Variants in BCAS3 observed in about 807,000 individuals in gnomAD.
BCAS3 encodes BCAS3 microtubule associated cell migration factor, also known as BCAS4/BCAS3 fusion.
A neutral mutation model predicts 116.1 loss-of-function variants in BCAS3; 53 were observed. That is an observed-to-expected ratio of 0.46 (90% confidence interval 0.37 to 0.57). The LOEUF (loss-of-function observed/expected upper bound fraction) is 0.57, where lower values mean the gene tolerates loss of function less well. BCAS3 is among the 20% of genes least tolerant of loss of function. The pLI is 0.00. For missense variants in BCAS3, 917 were observed against 1,165.4 expected (o/e 0.79, Z 3.10); for synonymous variants, 391 against 408.2 (o/e 0.96, Z 0.51).
chr17:61,163,483 C>A (rs778988831), intron 22 of BCAS3, among the ~76,000 whole-genome samples: 11 of 151,400 alleles, frequency 7.3e-5, no homozygotes, highest in African/African-American at 2.7e-4. Context: ...ATCAATTCTT[C>A]TCAACTATTA....
At chr17:61,360,713 C>T (rs1289536691) in intron 22 of BCAS3, among the ~76,000 whole-genome samples, 1 of 152,188 alleles carries the variant, frequency 6.6e-6, no homozygotes, top group Non-Finnish European at 1.5e-5. Context: ...ACTTGAGATC[C>T]TTAATTACAT....
intron 15 of BCAS3, among the ~76,000 whole-genome samples, chr17:60,997,129 A>G (rs2063895292): frequency 6.6e-6 from 1 of 152,162 alleles, no homozygotes; most frequent in African/African-American, 2.4e-5. Flanking sequence ...GTAGTTCACA[A>G]CAGGGTCTGT....
chr17:61,340,915 A>G (rs1431752672), intron 22 of BCAS3, among the ~76,000 whole-genome samples: 3 of 152,198 alleles, frequency 2.0e-5, no homozygotes, highest in Non-Finnish European at 4.4e-5. Context: ...TGAGATTAGG[A>G]TTGTGATGAG....
At position 61,313,235 on chromosome 17, in the gene BCAS3, C is replaced by A. The variant is rs139924064; in HGVS notation, c.2426-55092C>A. Among the ~76,000 whole-genome samples the A allele has an allele frequency of 1.3e-5, 2 of 152,148 alleles. No homozygotes were observed. The highest frequency in any genetic ancestry group is 2.9e-5 in the Non-Finnish European group (2 of 68,002). On this transcript the variant is annotated intron_variant, in intron 22 of 23. Coordinates refer to ENST00000407086, the MANE Select transcript of BCAS3 (RefSeq NM_017679.5). This position sits in a 1 kb window ranked among gnomAD's most constrained non-coding sequence, Gnocchi z 4.3. Reference sequence around the variant, plus strand: ...AAGAGGAAACTAAGGTTCAAAGAACCAATACTTTCTCAATGCCATATAACT... The same window carrying A: ...AAGAGGAAACTAAGGTTCAAAGAACAAATACTTTCTCAATGCCATATAACT...
In BCAS3 at chr17:61,161,523, A is replaced by G. The variant is rs2078167593; in HGVS notation, c.2425+76959A>G. Among the ~76,000 whole-genome samples the G allele has an allele frequency of 6.6e-6, 1 of 152,222 alleles. No homozygotes were observed. Among genetic ancestry groups the G allele is most frequent in the Non-Finnish European group, 1.5e-5 (1 of 68,034 alleles). On this transcript the variant is annotated intron_variant, in intron 22 of 23. Coordinates refer to ENST00000407086, the MANE Select transcript of BCAS3 (RefSeq NM_017679.5). This position sits in a 1 kb window ranked among gnomAD's most constrained non-coding sequence, Gnocchi z 4.8. ...AAAATGTGCTGTGGGTTTAAGCAAT[A>G]TTTGATTGATCATGTGATTCTATCA...
At chr17:61,043,712 C>T (rs1299644242) in intron 19 of BCAS3, among the ~76,000 whole-genome samples, 3 of 151,950 alleles carry the variant, frequency 2.0e-5, no homozygotes, top group Non-Finnish European at 2.9e-5. Flanking sequence ...TGTCTAGGAT[C>T]GGGTCCTGCC....
rs150947110 is a variant in BCAS3, at chr17:61,285,387, G to T, written c.2426-82940G>T. On this transcript the variant is annotated intron_variant, in intron 22 of 23. Coordinates refer to ENST00000407086, the MANE Select transcript of BCAS3 (RefSeq NM_017679.5). The surrounding 1 kb of genome is among the most constrained non-coding windows in gnomAD (Gnocchi z 5.4). Reference sequence around the variant, plus strand: ...CATAACTTCCAGGTCTGAATACTTTGTTTTCTGCAGATTTTCAACAGGTGT... The same window carrying T: ...CATAACTTCCAGGTCTGAATACTTTTTTTTCTGCAGATTTTCAACAGGTGT... Among the ~76,000 whole-genome samples the T allele has an allele frequency of 2.6e-5, 4 of 152,216 alleles. No individual in the cohort carries two copies. The highest frequency in any genetic ancestry group is 2.1e-4 in the South Asian group (1 of 4,822).
chr17:60,717,929 A>G (rs996872662), intron 5 of BCAS3, among the ~76,000 whole-genome samples: 3 of 152,190 alleles, frequency 2.0e-5, no homozygotes, highest in African/African-American at 7.2e-5. Context: ...CCACAGCTAG[A>G]TGGTCCCATG....
intron 11 of BCAS3, among the ~76,000 whole-genome samples, chr17:60,910,115 A>G (rs757826015): frequency 6.6e-6 from 1 of 152,230 alleles, no homozygotes; most frequent in Non-Finnish European, 1.5e-5. Context: ...AGAAATAGGT[A>G]TACAATTAGA....
chr17:61,332,132 T>C lies in BCAS3; in HGVS notation c.2426-36195T>C, dbSNP rs1181576789. On this transcript the variant is annotated intron_variant, in intron 22 of 23. Transcript: ENST00000407086. The surrounding 1 kb of genome is among the most constrained non-coding windows in gnomAD (Gnocchi z 5.4). ...AGTTGCCACCCAGCCCGCCGGGCTC[T>C]GGAGCTGGGCCACGGGCTCCTCTCT... Among the ~76,000 whole-genome samples, 2 of 152,196 alleles carry C rather than the reference T, an allele frequency of 1.3e-5. No individual in the cohort carries two copies. The highest frequency in any genetic ancestry group is 6.5e-5 in the Admixed American group (1 of 15,272).
At chr17:61,072,940 C>T (rs2071579721) in intron 19 of BCAS3, among the ~76,000 whole-genome samples, 1 of 152,092 alleles carries the variant, frequency 6.6e-6, no homozygotes, top group Admixed American at 6.6e-5. Context: ...ATCTGCTTTC[C>T]AGCCTCTACA....
intron 19 of BCAS3, among the ~76,000 whole-genome samples, chr17:61,060,159 C>T (rs927087964): frequency 1.3e-5 from 2 of 151,834 alleles, no homozygotes; most frequent in Non-Finnish European, 2.9e-5. Flanking sequence ...CAGAGTCTTG[C>T]TCTGTCGCCC....
chr17:60,945,874 A>T (rs1007969508), intron 13 of BCAS3, among the ~76,000 whole-genome samples: 3 of 151,972 alleles, frequency 2.0e-5, no homozygotes, highest in African/African-American at 7.3e-5. Flanking sequence ...TAATCCCAGC[A>T]CTTTGGGAGG....
rs553943001 is a variant in BCAS3, at chr17:61,286,823, A to C, written c.2426-81504A>C. On this transcript the variant is annotated intron_variant, in intron 22 of 23. Coordinates refer to ENST00000407086, the MANE Select transcript of BCAS3 (RefSeq NM_017679.5). This position sits in a 1 kb window ranked among gnomAD's most constrained non-coding sequence, Gnocchi z 4.8. ...CAGAGATCCTGGCCAGGGTGAGGAA[A>C]GACAGAGAATGCTTTCTAGGACCTT... Among the ~76,000 whole-genome samples the C allele has an allele frequency of 6.6e-6, 1 of 152,318 alleles. No individual in the cohort carries two copies. Among genetic ancestry groups the C allele is most frequent in the South Asian group, 2.1e-4 (1 of 4,834 alleles).
intron 13 of BCAS3, among the ~76,000 whole-genome samples, chr17:60,928,400 C>G (rs746642465): frequency 1.3e-5 from 2 of 152,060 alleles, no homozygotes; most frequent in African/African-American, 2.4e-5. Context: ...GATTGTGAAC[C>G]ATAGTCTGTA....
At chr17:60,702,404 A>G (rs930807208) in intron 4 of BCAS3, among the ~76,000 whole-genome samples, 2 of 152,134 alleles carry the variant, frequency 1.3e-5, no homozygotes, top group African/African-American at 2.4e-5. Context: ...GAATACCACG[A>G]TGGGACCCAT....
At chr17:60,797,322 C>G (rs1461683772) in intron 6 of BCAS3, among the ~76,000 whole-genome samples, 1 of 152,094 alleles carries the variant, frequency 6.6e-6, no homozygotes, top group East Asian at 1.9e-4. Flanking sequence ...CTGCAGTGAA[C>G]ATAGTTGTGC....
chr17:61,229,289 C>T lies in BCAS3; in HGVS notation c.2426-139038C>T, dbSNP rs1602042580. Among the ~76,000 whole-genome samples, 1 of 152,152 alleles carries T rather than the reference C, an allele frequency of 6.6e-6. No homozygotes were observed. The highest frequency in any genetic ancestry group is 2.4e-5 in the African/African-American group (1 of 41,434). On this transcript the variant is annotated intron_variant, in intron 22 of 23. Coordinates refer to ENST00000407086, the MANE Select transcript of BCAS3 (RefSeq NM_017679.5). The surrounding 1 kb of genome is among the most constrained non-coding windows in gnomAD (Gnocchi z 4.4). ...CTACAGAAGAAAAGTTTGAAGCTAA[C>T]AGAGGTTGGTTCGTGAGGTTAAGGA...
At chr17:60,957,703 A>G (rs2061212784) in intron 14 of BCAS3, among the ~76,000 whole-genome samples, 1 of 152,118 alleles carries the variant, frequency 6.6e-6, no homozygotes, top group African/African-American at 2.4e-5. Context: ...GCTCCCCTAT[A>G]TACTTGGATG....
Sources: gnomAD v4.1 joint callset for allele counts (sites outside exome capture counted in the v4.1 genomes callset) on GRCh38, gnomAD v4.1.1 for gene constraint, Gnocchi (gnomAD v3.1) non-coding constraint, MANE v1.5 for transcripts, NCBI Gene and HGNC (gene_info 2026-07-23, HGNC 2026-07-21) for gene names.